The following RTL4 variants were observed in gnomAD, a reference collection of about 807,000 sequenced individuals.
The protein encoded by RTL4 is retrotransposon Gag-like protein 4.
RTL4 carries 4 observed loss-of-function variants against 5.3 expected under a neutral mutation model. The observed-to-expected ratio is 0.75, with a 90% CI of 0.37 to 1.72. RTL4 has a LOEUF of 1.72. RTL4 is among the 40% of genes most tolerant of loss of function. The pLI, the probability that RTL4 is intolerant of heterozygous loss-of-function variation, is 0.04. For synonymous variants in RTL4, 98 were observed against 87.3 expected (o/e 1.12, Z -0.68); for missense variants, 260 against 227.1 (o/e 1.14, Z -0.93).
the RTL4 span, among the ~76,000 whole-genome samples, chrX:112,331,906 G>C: frequency 1.1e-5 from 1 of 94,006 alleles, no homozygotes; most frequent in African/African-American, 4.2e-5. Flanking sequence ...ACTATCACAA[G>C]AACAAAAAAC....
chrX:112,171,265 C>T, the RTL4 span, among the ~76,000 whole-genome samples: 66 of 111,374 alleles, frequency 5.9e-4, no homozygotes, highest in African/African-American at 2.1e-3. Context: ...TGATATTGGC[C>T]TCATAAAATG....
At chrX:112,420,323 G>C in the RTL4 span, among the ~76,000 whole-genome samples, 1 of 111,599 alleles carries the variant, frequency 9.0e-6, no homozygotes, top group South Asian at 3.8e-4. Flanking sequence ...AGTTGGAACT[G>C]GTGGAAGTAG....
chrX:112,414,566 T>C, the RTL4 span, among the ~76,000 whole-genome samples: 1,040 of 111,697 alleles, frequency 9.3e-3, 9 homozygotes, highest in Non-Finnish European at 0.015. Context: ...GTATTAATGA[T>C]TGAATATCCT....
At chrX:112,180,081 A>G in the RTL4 span, among the ~76,000 whole-genome samples, 3 of 111,218 alleles carry the variant, frequency 2.7e-5, no homozygotes, top group Non-Finnish European at 5.6e-5. Flanking sequence ...ACTTGGAAGC[A>G]TTCCTTTATA....
chrX:112,384,884 T>C, the RTL4 span, among the ~76,000 whole-genome samples: 3 of 111,456 alleles, frequency 2.7e-5, no homozygotes, highest in East Asian at 8.4e-4. Context: ...TCTTATTTCC[T>C]TGAGCAGTGG....
chrX:112,414,785 G>A, the RTL4 span, among the ~76,000 whole-genome samples: 1 of 111,551 alleles, frequency 9.0e-6, no homozygotes, highest in Non-Finnish European at 1.9e-5. Context: ...AATGTGACAG[G>A]TTTGGCCTAA....
the RTL4 span, among the ~76,000 whole-genome samples, chrX:112,159,002 A>G: frequency 8.9e-6 from 1 of 112,059 alleles, no homozygotes; most frequent in African/African-American, 3.2e-5. Flanking sequence ...GTGTTTTAAA[A>G]TTTTACAAAC....
chrX:112,425,731 G>C, the RTL4 span, among the ~76,000 whole-genome samples: 1 of 111,292 alleles, frequency 9.0e-6, no homozygotes, highest in Non-Finnish European at 1.9e-5. Context: ...TATCTTCTTT[G>C]GTGAGATATC....
the RTL4 span, among the ~76,000 whole-genome samples, chrX:112,433,280 T>C: frequency 9.4e-6 from 1 of 105,901 alleles, no homozygotes; most frequent in Non-Finnish European, 1.9e-5. Flanking sequence ...AAGTCATTGG[T>C]AGCTTGATGG....
chrX:112,088,540 T>A, the RTL4 span, among the ~76,000 whole-genome samples: 1 of 112,300 alleles, frequency 8.9e-6, no homozygotes, highest in Non-Finnish European at 1.9e-5. Context: ...GTATTCGTTT[T>A]AATACATGTT....
chrX:112,296,097 G>A, the RTL4 span, among the ~76,000 whole-genome samples: 1 of 111,504 alleles, frequency 9.0e-6, no homozygotes, highest in East Asian at 2.8e-4. Flanking sequence ...GGGGACCACT[G>A]CCAGGGCCTG....
the RTL4 span, among the ~76,000 whole-genome samples, chrX:112,388,167 T>C: frequency 8.9e-6 from 1 of 112,172 alleles, no homozygotes; most frequent in Non-Finnish European, 1.9e-5. Context: ...ATATTTTATT[T>C]TTGTGGCAAT....
the RTL4 span, among the ~76,000 whole-genome samples, chrX:112,154,973 G>A: frequency 9.0e-6 from 1 of 110,748 alleles, no homozygotes; most frequent in Non-Finnish European, 1.9e-5. Context: ...ACAGCATTCA[G>A]CCCTTTATGT....
At chrX:112,207,721 G>A in the RTL4 span, among the ~76,000 whole-genome samples, 1 of 108,223 alleles carries the variant, frequency 9.2e-6, no homozygotes, top group African/African-American at 3.4e-5. Flanking sequence ...CTGGTGAAGC[G>A]GGAGATAGAG....
the RTL4 span, among the ~76,000 whole-genome samples, chrX:112,166,115 G>A: frequency 8.9e-6 from 1 of 111,968 alleles, no homozygotes; most frequent in Non-Finnish European, 1.9e-5. Context: ...TAGCAATGGC[G>A]TAAGAATCCA....
chrX:112,432,078 G>A, the RTL4 span, among the ~76,000 whole-genome samples: 1 of 105,916 alleles, frequency 9.4e-6, no homozygotes, highest in Admixed American at 1.0e-4. Flanking sequence ...TTTTATGGCT[G>A]CATAGTATTC....
chrX:112,330,394 C>G, the RTL4 span, among the ~76,000 whole-genome samples: 1 of 104,213 alleles, frequency 9.6e-6, no homozygotes, highest in East Asian at 2.9e-4. Context: ...CATGAGTGAA[C>G]TCCCATTCAC....
chrX:112,156,455 A>G, the RTL4 span, among the ~76,000 whole-genome samples: 13 of 112,479 alleles, frequency 1.2e-4, no homozygotes, highest in Non-Finnish European at 2.4e-4. Context: ...CTAAAAAGAT[A>G]CATATCTCAA....
the RTL4 span, among the ~76,000 whole-genome samples, chrX:112,350,802 C>T: frequency 1.8e-5 from 2 of 110,981 alleles, no homozygotes; most frequent in South Asian, 7.6e-4. Context: ...TTTTGTTGAT[C>T]TTTTCAAAAA....
Sources: gnomAD v4.1 joint callset for allele counts (sites outside exome capture counted in the v4.1 genomes callset) on GRCh38, gnomAD v4.1.1 for gene constraint, MANE v1.5 for transcripts, NCBI Gene and HGNC (gene_info 2026-07-23, HGNC 2026-07-21) for gene names.